PALM: variants seen among roughly 807,000 people sequenced by gnomAD.
PALM encodes paralemmin-1.
A neutral mutation model predicts 30.7 loss-of-function variants in PALM; 18 were observed. The observed-to-expected ratio is 0.59, with a 90% CI of 0.41 to 0.87. PALM has a LOEUF of 0.87. Ranked by LOEUF, PALM falls within the 40% of genes least tolerant of loss-of-function variation. The probability of loss-of-function intolerance (pLI) is 0.00; values close to 1 mark genes in which losing one functional copy is unlikely to be tolerated. For synonymous variants in PALM, 286 were observed against 242.8 expected (o/e 1.18, Z -1.66); for missense variants, 529 against 555.4 (o/e 0.95, Z 0.48).
intron 4 of PALM, among the ~76,000 whole-genome samples, chr19:728,252 C>T (rs1016477451): frequency 3.9e-5 from 6 of 152,124 alleles, no homozygotes; most frequent in African/African-American, 7.2e-5. Flanking sequence ...GAGTTTCCGG[C>T]GGGCGGGAGG....
intron 1 of PALM, chr19:719,741 G>C (rs2032394873): frequency 5.0e-6 from 3 of 598,954 alleles, no homozygotes; most frequent in South Asian, 1.5e-4. Flanking sequence ...GATCACACGG[G>C]AATGAGACTC....
chr19:727,615 T>C lies in PALM; in HGVS notation c.190T>C (p.Ser64Pro). Reference protein sequence around the residue: ...WLLEGTPSSASEGDEDLRRQM... With the variant: ...WLLEGTPSSAPEGDEDLRRQM... ...GCTGGAGGGGACGCCGTCCTCGGCC[T>C]CAGAGGGGGATGAGGACCTGAGGAG... Residue 64 changes from serine (S) to proline (P), a missense_variant, in exon 4 of 9, where the codon TCA becomes CCA. Ser to Pro is a moderately conservative substitution (Grantham distance 74). Transcript: ENST00000338448. The C allele has an allele frequency of 6.3e-7, 1 of 1,579,436 alleles. No homozygotes were observed.
rs1224779938 is a variant in PALM at position 747,679 on chromosome 19, G to A, written c.*865G>A. 1 of 152,688 alleles carries A rather than the reference G, an allele frequency of 6.5e-6. No homozygotes were observed. The highest frequency in any genetic ancestry group is 1.5e-5 in the Non-Finnish European group (1 of 68,154). The allele number at this position is 152,688 out of a possible 1,614,324, so 9.5% of individuals were successfully genotyped here. A position where few individuals can be genotyped will look rare whatever the true frequency, so the allele number is the denominator to read the frequency against. On this transcript the variant is annotated 3_prime_UTR_variant, in exon 9 of 9. Coordinates refer to ENST00000338448, the MANE Select transcript of PALM (RefSeq NM_002579.3). ...CTCTTCTCCATCCTGCTTGGACCAGGGTCCTGGGTCTTCCCAACCATACCC... is the reference window on the plus strand; with the variant it reads ...CTCTTCTCCATCCTGCTTGGACCAGAGTCCTGGGTCTTCCCAACCATACCC...
chr19:723,432 G>A (rs1387602715), intron 1 of PALM, among the ~76,000 whole-genome samples: 1 of 152,156 alleles, frequency 6.6e-6, no homozygotes, highest in East Asian at 1.9e-4. Context: ...GCCTCCCCCT[G>A]TTGATGCCGC....
chr19:727,778 T>TCGTCA, intron 4 of PALM, 84 bp downstream of exon 4: 1 of 1,317,114 alleles, frequency 7.6e-7, no homozygotes, highest in Non-Finnish European at 1.0e-6. Context: ...CTGGGAAGAG[T>TCGTCA]CGTCAGTGTG....
rs2033027990 is a variant in PALM at position 736,475 on chromosome 19, C to T, written c.502+397C>T. 2.6e-5 allele frequency among the ~76,000 whole-genome samples: 4 copies of T among 152,164 alleles called. No homozygotes were observed. In the South Asian group the frequency reaches 6.2e-4, roughly 24 times the overall value. ...CCTCGGGCAGTAGGACTGGCTGCCC[C>T]GGGAGAAAGTGGGTGCCCCGTCCCT... On this transcript the variant is annotated intron_variant, in intron 7 of 8. Transcript: ENST00000338448.
At chr19:727,152 C>A in intron 3 of PALM, 64 bp downstream of exon 3, 1 of 1,106,690 alleles carries the variant, frequency 9.0e-7, no homozygotes, top group Non-Finnish European at 1.3e-6. Flanking sequence ...AGGCCCCGGA[C>A]TCCTGCCCAA....
intron 1 of PALM, among the ~76,000 whole-genome samples, chr19:716,841 T>C (rs575141261): frequency 5.9e-5 from 9 of 152,278 alleles, no homozygotes; most frequent in Admixed American, 5.9e-4. Flanking sequence ...TGTATATCAT[T>C]CTTAACAGCT....
At chr19:710,868 C>A (rs1451127368) in intron 1 of PALM, among the ~76,000 whole-genome samples, 2 of 152,184 alleles carry the variant, frequency 1.3e-5, no homozygotes, top group Non-Finnish European at 2.9e-5. Context: ...TCCCCGGTTC[C>A]CGGGCTGACA....
intron 7 of PALM, among the ~76,000 whole-genome samples, chr19:740,003 C>G (rs1439379808): frequency 6.6e-6 from 1 of 152,184 alleles, no homozygotes; most frequent in East Asian, 1.9e-4. Context: ...TGAAGGCTTT[C>G]CAGATGGGCT....
chr19:745,626 C>T (rs60255598), intron 8 of PALM, among the ~76,000 whole-genome samples: 38 of 143,254 alleles, frequency 2.7e-4, no homozygotes, highest in African/African-American at 8.6e-4. Flanking sequence ...ACTAGGGAGG[C>T]GGAGGTTGCG....
chr19:710,286 C>T (rs1217398359), intron 1 of PALM, among the ~76,000 whole-genome samples: 1 of 152,338 alleles, frequency 6.6e-6, no homozygotes, highest in East Asian at 1.9e-4. Context: ...CCTGGGAAAG[C>T]GAGACACCCA....
At chr19:725,558 G>GA (rs1167063197) in intron 1 of PALM, among the ~76,000 whole-genome samples, 1 of 151,942 alleles carries the variant, frequency 6.6e-6, no homozygotes, top group Non-Finnish European at 1.5e-5. Context: ...GACTCCATCT[G>GA]AAAAAACAAA....
Position 734,159 on chromosome 19 carries a change from CTTCT to C in PALM, c.421-8_421-5del, listed in dbSNP as rs1359338936. ...ATGCTGACGCCCCTGACCCTTCTCT[CTTCT>C]TTCTTGCAGACGCCGGTGGGCACGC... On this transcript the variant is annotated splice_polypyrimidine_tract_variant and intron_variant, in intron 5 of 8. Transcript: ENST00000338448. 6.2e-7 allele frequency: 1 copy of C among 1,613,924 alleles called. No individual in the cohort carries two copies. The highest frequency in any genetic ancestry group is 8.5e-7 in the Non-Finnish European group (1 of 1,179,888).
chr19:734,036 A>G, intron 5 of PALM, 137 bp from the exon 6 acceptor site: 1 of 724,008 alleles, frequency 1.4e-6, no homozygotes, highest in Non-Finnish European at 2.4e-6. Context: ...CCAGAGTCCC[A>G]AGAGGATAGG....
intron 1 of PALM, among the ~76,000 whole-genome samples, chr19:711,947 G>A (rs1053364162): frequency 1.3e-5 from 2 of 152,060 alleles, no homozygotes; most frequent in African/African-American, 4.8e-5. Flanking sequence ...TTATTCACTC[G>A]GCAACCATTA....
intron 1 of PALM, among the ~76,000 whole-genome samples, chr19:724,879 C>T (rs1288941932): frequency 6.6e-6 from 1 of 151,050 alleles, no homozygotes; most frequent in Non-Finnish European, 1.5e-5. Flanking sequence ...CCACCTCGGC[C>T]TCCCAAAGTG....
chr19:720,397 GC>G (rs2032429505), intron 1 of PALM, among the ~76,000 whole-genome samples: 1 of 139,978 alleles, frequency 7.1e-6, no homozygotes, highest in African/African-American at 2.7e-5. Context: ...CGAGGGGGGC[GC>G]CGGGTCTGGG....
At chr19:727,240 C>CCCTGA in intron 3 of PALM, 152 bp downstream of exon 3, 1 of 599,382 alleles carries the variant, frequency 1.7e-6, no homozygotes. Context: ...CTGACCCCGA[C>CCCTGA]CCCGACCCCG....
Sources: gnomAD v4.1 joint callset for allele counts (sites outside exome capture counted in the v4.1 genomes callset) on GRCh38, gnomAD v4.1.1 for gene constraint, MANE v1.5 for transcripts, NCBI Gene and HGNC (gene_info 2026-07-23, HGNC 2026-07-21) for gene names.